The following ZFAT variants were observed in gnomAD, a reference collection of about 807,000 sequenced individuals.
ZFAT encodes zinc finger and AT-hook domain containing.
In ZFAT, 64 loss-of-function variants were observed where a neutral mutation model predicts 117.7. The ratio of observed to expected loss-of-function variants is 0.54; its 90% CI spans 0.44 to 0.67. The LOEUF (loss-of-function observed/expected upper bound fraction) is 0.67. Ranked by LOEUF, ZFAT falls within the 30% of genes least tolerant of loss-of-function variation. The pLI, the probability that ZFAT is intolerant of heterozygous loss-of-function variation, is 0.00. For synonymous variants in ZFAT, 679 were observed against 615.0 expected (o/e 1.10, Z -1.54); for missense variants, 1,433 against 1,584.5 (o/e 0.90, Z 1.62).
At chr8:134,603,081 C>T (rs781627918) in intron 5 of ZFAT, 148 bp from the exon 6 acceptor site, 50 of 1,125,346 alleles carry the variant, frequency 4.4e-5, no homozygotes, top group East Asian at 3.9e-4. Flanking sequence ...ACTCAACAAA[C>T]AGGATCAGAG....
the ZFAT span, among the ~76,000 whole-genome samples, chr8:134,738,178 T>G: frequency 5.3e-5 from 8 of 152,336 alleles, no homozygotes; most frequent in Non-Finnish European, 1.2e-4. Flanking sequence ...TAAATCATTT[T>G]GTGTGCATCA....
At chr8:134,831,133 C>A in the ZFAT span, among the ~76,000 whole-genome samples, 1 of 152,210 alleles carries the variant, frequency 6.6e-6, no homozygotes, top group Non-Finnish European at 1.5e-5. Context: ...TTGGGCATAT[C>A]AAGTACTTCG....
At chr8:134,752,803 G>A in the ZFAT span, among the ~76,000 whole-genome samples, 1 of 152,022 alleles carries the variant, frequency 6.6e-6, no homozygotes, top group Non-Finnish European at 1.5e-5. Flanking sequence ...ATGTCTTCCG[G>A]TGTTTCTTCT....
At chr8:134,649,189 ACACACACACACACC>A (rs1382764553) in intron 2 of ZFAT, among the ~76,000 whole-genome samples, 4 of 151,394 alleles carry the variant, frequency 2.6e-5, no homozygotes, top group African/African-American at 7.3e-5. Flanking sequence ...ACACACACAC[ACACACACACACACC>A]CCATCATACT....
intron 1 of ZFAT, among the ~76,000 whole-genome samples, chr8:134,674,159 A>G (rs552759408): frequency 7.2e-5 from 11 of 152,254 alleles, no homozygotes; most frequent in African/African-American, 2.6e-4. Context: ...TGGGAAGCAC[A>G]AGGGGTCGGG....
chr8:134,805,988 A>G, the ZFAT span, among the ~76,000 whole-genome samples: 1 of 152,180 alleles, frequency 6.6e-6, no homozygotes, highest in Non-Finnish European at 1.5e-5. Context: ...AAAAAAATAA[A>G]AATAAAAATA....
chr8:134,511,472 G>A (rs544712061), intron 14 of ZFAT, among the ~76,000 whole-genome samples: 1 of 152,340 alleles, frequency 6.6e-6, no homozygotes, highest in East Asian at 1.9e-4. Context: ...AGTGAACACA[G>A]CCCTGTCCAT....
chr8:134,805,976 C>CA, the ZFAT span, among the ~76,000 whole-genome samples: 1 of 149,432 alleles, frequency 6.7e-6, no homozygotes, highest in Non-Finnish European at 1.5e-5. Context: ...GACCCTGTCT[C>CA]AAAAAAAATA....
chr8:134,696,371 T>C (rs10505629), intron 1 of ZFAT: 102,822 of 985,500 alleles, frequency 0.1, 5,879 homozygotes, highest in South Asian at 0.24. Flanking sequence ...GAGACACCTC[T>C]GAAACCACCC....
chr8:134,513,173 T>G (rs1819983822), intron 13 of ZFAT, among the ~76,000 whole-genome samples: 1 of 150,790 alleles, frequency 6.6e-6, no homozygotes, highest in African/African-American at 2.4e-5. Context: ...AGAGTAAGAG[T>G]TCAGAAAATC....
chr8:134,588,622 A>G (rs1037779236), intron 8 of ZFAT, among the ~76,000 whole-genome samples: 1 of 152,246 alleles, frequency 6.6e-6, no homozygotes, highest in Non-Finnish European at 1.5e-5. Context: ...TCACAAGGCA[A>G]TTACCACACA....
the ZFAT span, among the ~76,000 whole-genome samples, chr8:134,824,875 G>C: frequency 1.3e-5 from 2 of 152,182 alleles, no homozygotes; most frequent in African/African-American, 2.4e-5. Flanking sequence ...ACAAATACTA[G>C]TGTATTTATG....
upstream of ZFAT, among the ~76,000 whole-genome samples, chr8:134,716,951 GAGTA>G (rs1028830515): frequency 6.6e-6 from 1 of 152,138 alleles, no homozygotes; most frequent in Non-Finnish European, 1.5e-5. Context: ...AGTTTACTAA[GAGTA>G]AGTCAAAGAC....
At chr8:134,708,820 C>T (rs538351751) in intron 1 of ZFAT, among the ~76,000 whole-genome samples, 4 of 152,146 alleles carry the variant, frequency 2.6e-5, no homozygotes, top group South Asian at 2.1e-4. Context: ...GGCGTGGTGG[C>T]GCATGCTTAT....
At chr8:134,767,819 T>A in the ZFAT span, among the ~76,000 whole-genome samples, 1 of 152,366 alleles carries the variant, frequency 6.6e-6, no homozygotes, top group East Asian at 1.9e-4. Flanking sequence ...AAATTTCCGT[T>A]TATCTTGCTT....
intron 3 of ZFAT, among the ~76,000 whole-genome samples, chr8:134,624,220 C>T (rs938110862): frequency 7.2e-6 from 1 of 138,800 alleles, no homozygotes; most frequent in African/African-American, 2.8e-5. Context: ...ACACACACAC[C>T]CTTAACTCTG....
chr8:134,819,496 A>ACCCCCCCCCCCCCCCC, the ZFAT span, among the ~76,000 whole-genome samples: 10 of 39,332 alleles, frequency 2.5e-4, no homozygotes, highest in Non-Finnish European at 3.8e-4. Flanking sequence ...CGGATTTACC[A>ACCCCCCCCCCCCCCCC]CCCCCCCCCC....
chr8:134,489,519 C>A (rs1817903765), intron 15 of ZFAT, among the ~76,000 whole-genome samples: 1 of 152,140 alleles, frequency 6.6e-6, no homozygotes, highest in African/African-American at 2.4e-5. Flanking sequence ...TTCACTTGCC[C>A]CACAGCACAG....
intron 11 of ZFAT, among the ~76,000 whole-genome samples, chr8:134,543,276 C>T (rs373576544): frequency 6.5e-4 from 98 of 150,718 alleles, no homozygotes; most frequent in African/African-American, 2.2e-3. Flanking sequence ...GATAGTCAGC[C>T]GGGCACATGC....
Sources: allele counts gnomAD v4.1 joint callset (sites outside exome capture counted in the v4.1 genomes callset), GRCh38; gene constraint gnomAD v4.1.1; transcripts MANE v1.5; gene names NCBI Gene and HGNC (gene_info 2026-07-23, HGNC 2026-07-21).